TAF5L: variants seen among roughly 807,000 people sequenced by gnomAD.
TAF5L encodes TATA-box binding protein associated factor 5 like, also known as TAF5-like RNA polymerase II p300/CBP-associated factor-associated factor 65 kDa subunit 5L.
In TAF5L, 7 loss-of-function variants were observed where a neutral mutation model predicts 51.3. The ratio of observed to expected loss-of-function variants is 0.14; its 90% CI spans 0.08 to 0.26. The LOEUF is 0.26. Among genes scored for constraint, TAF5L ranks in the 10% least tolerant of loss-of-function variants. The probability of loss-of-function intolerance (pLI) is 1.00; values close to 1 mark genes in which losing one functional copy is unlikely to be tolerated. For synonymous variants in TAF5L, 291 were observed against 308.1 expected (o/e 0.94, Z 0.58); for missense variants, 575 against 758.9 (o/e 0.76, Z 2.85).
chr1:229,603,863 G>C (rs567894181), intron 3 of TAF5L, among the ~76,000 whole-genome samples: 65 of 152,370 alleles, frequency 4.3e-4, no homozygotes, highest in Non-Finnish European at 6.8e-4. Flanking sequence ...ACAGTGGGGA[G>C]ACAGCAGGGC....
chr1:229,611,130 G>A (rs936647881), intron 2 of TAF5L, among the ~76,000 whole-genome samples: 1 of 152,034 alleles, frequency 6.6e-6, no homozygotes, highest in African/African-American at 2.4e-5. Context: ...GACTCACCAG[G>A]GAAGGATTGT....
At chr1:229,606,698 G>A (rs1664607379) in intron 3 of TAF5L, 2 of 985,366 alleles carry the variant, frequency 2.0e-6, no homozygotes, top group Non-Finnish European at 2.4e-6. Flanking sequence ...AACACTGGGT[G>A]TGTGCCTCTT....
intron 4 of TAF5L, among the ~76,000 whole-genome samples, chr1:229,595,708 C>T (rs1335849842): frequency 6.6e-6 from 1 of 152,070 alleles, no homozygotes; most frequent in Non-Finnish European, 1.5e-5. Context: ...TCTTGTTGCC[C>T]AGGCTGGAGT....
chr1:229,594,791 G>C lies in TAF5L; in HGVS notation c.1276C>G (p.Leu426Val). 6.2e-7 allele frequency: 1 copy of C among 1,614,222 alleles called. No homozygotes were observed. The highest frequency in any genetic ancestry group is 8.5e-7 in the Non-Finnish European group (1 of 1,180,040). Residue 426 changes from leucine to valine, a missense_variant, in exon 5 of 5, where the codon CTG becomes GTG. By Grantham distance (32) the Leu-to-Val change is conservative. Coordinates refer to ENST00000258281, the Ensembl canonical transcript of TAF5L. The surrounding 1 kb of genome is among the most constrained non-coding windows in gnomAD (Gnocchi z 7.9). ...AATTTGACACAGTCCACATCTGCCA[G>C]GTGTCCTGCATATATCCTCAGCGGG... is the stretch of plus-strand genomic sequence containing the variant.
chr1:229,605,687 T>C (rs1664567585), intron 3 of TAF5L, among the ~76,000 whole-genome samples: 1 of 152,138 alleles, frequency 6.6e-6, no homozygotes, highest in African/African-American at 2.4e-5. Context: ...CCATAAAGTG[T>C]GGGCCTCATC....
intron 1 of TAF5L, among the ~76,000 whole-genome samples, chr1:229,624,667 A>G (rs1313070861): frequency 6.6e-6 from 1 of 152,170 alleles, no homozygotes; most frequent in African/African-American, 2.4e-5. Flanking sequence ...AGGAAACTAC[A>G]GTTCAGAGAG....
At chr1:229,600,616 TC>T (rs1664337163) in intron 4 of TAF5L, 1 of 985,338 alleles carries the variant, frequency 1.0e-6, no homozygotes, top group African/African-American at 1.7e-5. Flanking sequence ...TAAGACAGTG[TC>T]ACTACATCAC....
In TAF5L at chr1:229,602,775, G is replaced by A. The variant is rs779945353; in HGVS notation, c.392C>T (p.Ala131Val). 10 of 1,614,110 alleles carry A rather than the reference G, an allele frequency of 6.2e-6. No individual in the cohort carries two copies. Among genetic ancestry groups the A allele is most frequent in the Non-Finnish European group, 8.5e-6 (10 of 1,180,032 alleles). ...CTGCTCAATGACATCCTTCTGGCTA[G>A]CATTCTGCAGAAACATTCCATGGAA... Residue 131 changes from alanine to valine, a missense_variant, in exon 4 of 5, where the codon GCT (alanine) becomes GTT (valine). Ala to Val is a moderately conservative substitution (Grantham distance 64). Coordinates refer to ENST00000258281, the Ensembl canonical transcript of TAF5L. This position sits in a 1 kb window ranked among gnomAD's most constrained non-coding sequence, Gnocchi z 4.6.
chr1:229,609,582 T>C (rs1664715642), intron 3 of TAF5L, among the ~76,000 whole-genome samples: 2 of 152,212 alleles, frequency 1.3e-5, no homozygotes, highest in Non-Finnish European at 2.9e-5. Flanking sequence ...CTGGTCTAAA[T>C]GACAACTTCT....
intron 1 of TAF5L, 109 bp from the exon 2 acceptor site, chr1:229,614,594 C>T (rs1664905639): frequency 1.4e-6 from 2 of 1,443,558 alleles, no homozygotes; most frequent in Non-Finnish European, 9.4e-7. Context: ...AAAGACCAGC[C>T]ATGTGGCTAA....
chr1:229,596,311 C>G (rs1664123883), intron 4 of TAF5L, among the ~76,000 whole-genome samples: 1 of 152,116 alleles, frequency 6.6e-6, no homozygotes, highest in African/African-American at 2.4e-5. Context: ...CAAACAAAAC[C>G]CAGAACTATC....
intron 3 of TAF5L, among the ~76,000 whole-genome samples, chr1:229,604,068 A>G (rs1039955258): frequency 3.3e-5 from 5 of 152,236 alleles, no homozygotes; most frequent in African/African-American, 1.2e-4. Context: ...GGGTTTCATA[A>G]AGAAATATAA....
chr1:229,610,239 G>A, intron 2 of TAF5L, 29 bp from the exon 3 acceptor site: 1 of 1,605,216 alleles, frequency 6.2e-7, no homozygotes, highest in Admixed American at 1.7e-5. Flanking sequence ...ACAAGTCAGG[G>A]CGGGAAACAG....
At chr1:229,612,247 C>T (rs757359660) in intron 2 of TAF5L, among the ~76,000 whole-genome samples, 7 of 152,268 alleles carry the variant, frequency 4.6e-5, no homozygotes, top group Non-Finnish European at 5.9e-5. Flanking sequence ...GGTGGTTTTC[C>T]AGCAATAACA....
chr1:229,603,276 G>A (rs779947765), intron 3 of TAF5L, among the ~76,000 whole-genome samples: 5 of 152,108 alleles, frequency 3.3e-5, no homozygotes, highest in African/African-American at 4.8e-5. Flanking sequence ...TTCAAATTGG[G>A]GACCTCAGAT....
rs1279587120 is a variant in TAF5L, at chr1:229,594,025, G to T, written c.*272C>A. Reference sequence around the variant, plus strand: ...GACAGGAAGGTGCTCGCATGCGCGAGGTCACGGCAGAGTCTCCATGAGGAC... The same window carrying T: ...GACAGGAAGGTGCTCGCATGCGCGATGTCACGGCAGAGTCTCCATGAGGAC... On this transcript the variant is annotated 3_prime_UTR_variant, in exon 5 of 5. Coordinates refer to ENST00000258281, the Ensembl canonical transcript of TAF5L. The surrounding 1 kb of genome is among the most constrained non-coding windows in gnomAD (Gnocchi z 7.9). 3 of 377,588 alleles carry T rather than the reference G, an allele frequency of 7.9e-6. No homozygotes were observed. Among genetic ancestry groups the T allele is most frequent in the Non-Finnish European group, 1.5e-5 (3 of 202,652 alleles). 23.4% of individuals were successfully genotyped at this position (377,588 alleles called of 1,614,324 possible).
rs1023356915 is a variant in TAF5L at position 229,599,653 on chromosome 1, C to A, written c.972+2542G>T. 3 of 228,290 alleles carry A rather than the reference C, an allele frequency of 1.3e-5. No individual in the cohort carries two copies. In the South Asian group the frequency reaches 4.7e-4, roughly 36 times the overall value. The allele number at this position is 228,290 out of a possible 1,614,324, so 14.1% of individuals were successfully genotyped here. The stretch of plus-strand genomic sequence containing the variant: ...TGGGCAAATAATATTCCACTGCATG[C>A]ACACACTACATTTTATTTATTCATT... On this transcript the variant is annotated intron_variant, in intron 4 of 4. Transcript: ENST00000258281.
intron 3 of TAF5L, among the ~76,000 whole-genome samples, chr1:229,609,373 A>T (rs1418541185): frequency 6.6e-6 from 1 of 152,206 alleles, no homozygotes; most frequent in African/African-American, 2.4e-5. Context: ...GCATAATTTT[A>T]TTGCTACAGA....
At chr1:229,610,038 T>C in intron 3 of TAF5L, 68 bp downstream of exon 3, 3 of 1,351,130 alleles carry the variant, frequency 2.2e-6, no homozygotes, top group Middle Eastern at 2.4e-4. Flanking sequence ...TCACAAGCAG[T>C]GTGCCCAAAG....
Sources: allele counts gnomAD v4.1 joint callset (sites outside exome capture counted in the v4.1 genomes callset), GRCh38; gene constraint gnomAD v4.1.1; non-coding constraint Gnocchi (gnomAD v3.1); transcripts MANE v1.5; gene names NCBI Gene and HGNC (gene_info 2026-07-23, HGNC 2026-07-21).